The following ADSS1 variants were observed in gnomAD, a reference collection of about 807,000 sequenced individuals.
The protein encoded by ADSS1 is adenylosuccinate synthase 1.
ADSS1 carries 57 observed loss-of-function variants against 59.1 expected under a neutral mutation model. The ratio of observed to expected loss-of-function variants is 0.97; its 90% CI spans 0.78 to 1.20. The LOEUF is 1.20. ADSS1 is among the 50% of genes most tolerant of loss of function. The pLI is 0.00. For missense variants in ADSS1, 603 were observed against 610.3 expected, an observed-to-expected ratio of 0.99 and a Z score of 0.13; for synonymous variants, 247 against 249.4, an observed-to-expected ratio of 0.99 and a Z score of 0.09.
intron 11 of ADSS1, chr14:104,745,925 A>C: frequency 1.0e-5 from 1 of 96,326 alleles, no homozygotes; most frequent in Non-Finnish European, 1.6e-5. Context: ...CTAGAGTCTC[A>C]GAATTTCCAA....
intron 1 of ADSS1, 66 bp from the exon 2 acceptor site, chr14:104,734,954 G>A: frequency 7.1e-7 from 1 of 1,416,048 alleles, no homozygotes; most frequent in African/African-American, 1.4e-5. Context: ...CCCCATGTGG[G>A]TCAGTCCATG....
intron 1 of ADSS1, among the ~76,000 whole-genome samples, chr14:104,726,583 C>CA (rs1201044622): frequency 6.6e-6 from 1 of 152,220 alleles, no homozygotes; most frequent in Admixed American, 6.5e-5. Context: ...CCCATGTCGT[C>CA]AGAGGCTGGC....
chr14:104,745,018 CAG>C (rs1401542297), intron 11 of ADSS1, 109 bp downstream of exon 11: 14 of 912,716 alleles, frequency 1.5e-5, no homozygotes, highest in Non-Finnish European at 2.4e-5. Context: ...TCACAGGACA[CAG>C]GGCAAGCAGC....
chr14:104,740,940 GTGGGGGC>G lies in ADSS1; in HGVS notation c.666+23_666+29del. 1 of 1,613,806 alleles carries G rather than the reference GTGGGGGC, an allele frequency of 6.2e-7. No individual in the cohort carries two copies. The highest frequency in any genetic ancestry group is 8.5e-7 in the Non-Finnish European group (1 of 1,179,914). The stretch of plus-strand genomic sequence containing the variant: ...CTCAAGGTGAAGTCGGGGCCGCAGT[GTGGGGGC>G]TGCGGAAGTGCTCCTCCAGGGAGGC... On this transcript the variant is annotated intron_variant, in intron 7 of 12. Transcript: ENST00000330877. The surrounding 1 kb of genome is among the most constrained non-coding windows in gnomAD (Gnocchi z 4.8).
In ADSS1 at chr14:104,735,541, CTG is replaced by C. The variant is rs148471334; in HGVS notation, c.295+424_295+425del. Among the ~76,000 whole-genome samples the C allele has an allele frequency of 2.2e-3, 335 of 152,324 alleles. 4 individuals carry two copies. In the South Asian group the frequency reaches 0.028, roughly 13 times the overall value. ...GGCTTCTCGCTGCGTGGCGACCAGG[CTG>C]TGTGGACAAGGCCGTGCCCTCCCCG... On this transcript the variant is annotated intron_variant, in intron 2 of 12. Coordinates refer to ENST00000330877, the MANE Select transcript of ADSS1 (RefSeq NM_152328.5).
chr14:104,732,991 C>T (rs148249940), intron 1 of ADSS1, among the ~76,000 whole-genome samples: 3,296 of 152,302 alleles, frequency 0.022, 58 homozygotes, highest in Non-Finnish European at 0.034. Context: ...TGGACTGAAC[C>T]TGTGCGCCCA....
chr14:104,744,975 T>C (rs1292026452), intron 11 of ADSS1, 66 bp downstream of exon 11: 6 of 1,442,254 alleles, frequency 4.2e-6, no homozygotes, highest in South Asian at 1.2e-5. Flanking sequence ...AGATAGGACC[T>C]GTGACTTCTC....
chr14:104,739,801 C>T lies in ADSS1; in HGVS notation c.461C>T (p.Ala154Val). The change falls in exon 5 of 13, where the codon GCA becomes GTA. Residue 154 changes from alanine (A) to valine (V), a missense_variant. Transcript: ENST00000330877. ...VDGLQEVQRQ[A>V]QEGKNIGTTK... is the part of the protein sequence containing the mutation. ...GGACTTCAGGAAGTGCAGCGCCAGG[C>T]ACAAGAGGGGAAGAAGTAAGTCTGC... 2 of 1,613,888 alleles carry T rather than the reference C, an allele frequency of 1.2e-6. No individual in the cohort carries two copies. The highest frequency in any genetic ancestry group is 1.7e-6 in the Non-Finnish European group (2 of 1,180,002).
Position 104,733,626 on chromosome 14 carries a change from C to T in ADSS1, c.193-1394C>T, listed in dbSNP as rs139424983. Among the ~76,000 whole-genome samples, 589 of 152,258 alleles carry T rather than the reference C, an allele frequency of 3.9e-3. 7 individuals are homozygous for T. The highest frequency in any genetic ancestry group is 0.013 in the African/African-American group (531 of 41,556). ...GGGAGGGGAGCTGAGACCCCTCTGC[C>T]GGGCAGAGAGCAGTGGGGTGTGGCT... is the stretch of plus-strand genomic sequence containing the variant. On this transcript the variant is annotated intron_variant, in intron 1 of 12. Coordinates refer to ENST00000330877, the MANE Select transcript of ADSS1 (RefSeq NM_152328.5).
intron 1 of ADSS1, chr14:104,730,114 GGA>G: frequency 6.5e-7 from 1 of 1,549,384 alleles, no homozygotes; most frequent in Non-Finnish European, 8.7e-7. Context: ...CGCTGGGAGA[GGA>G]GAGGGCTTGG....
At chr14:104,733,876 G>A (rs532908080) in intron 1 of ADSS1, among the ~76,000 whole-genome samples, 2 of 152,282 alleles carry the variant, frequency 1.3e-5, no homozygotes, top group Admixed American at 6.5e-5. Flanking sequence ...CAAGGAGAGA[G>A]GGCAACAGGA....
intron 8 of ADSS1, 40 bp downstream of exon 8, chr14:104,741,283 C>A: frequency 9.9e-6 from 15 of 1,520,864 alleles, no homozygotes; most frequent in Non-Finnish European, 1.3e-5. Flanking sequence ...ACCTTTCGTG[C>A]CTGCCAGGGA....
At chr14:104,741,737 C>G in intron 8 of ADSS1, 111 bp from the exon 9 acceptor site, 1 of 1,419,466 alleles carries the variant, frequency 7.0e-7, no homozygotes, top group Non-Finnish European at 9.6e-7. Flanking sequence ...ACGGAGGGGG[C>G]CCCCCACGGT....
chr14:104,736,881 G>GATTATATATATATAT lies in ADSS1; in HGVS notation c.296-1493_296-1492insTATATATATATATAT, dbSNP rs1254196679. Among the ~76,000 whole-genome samples, 633 of 106,538 alleles carry GATTATATATATATAT rather than the reference G, an allele frequency of 5.9e-3. 26 individuals carry two copies. The highest frequency in any genetic ancestry group is 0.021 in the African/African-American group (601 of 28,092). The allele number at this position is 106,538 out of a possible 152,430, so 69.9% of individuals were successfully genotyped here. The stretch of plus-strand genomic sequence containing the variant: ...CAGGCTTATGCCACCGCACCTAGCT[G>GATTATATATATATAT]ATATATATATATATATATATATATA... On this transcript the variant is annotated intron_variant, in intron 2 of 12. Coordinates refer to ENST00000330877, the MANE Select transcript of ADSS1 (RefSeq NM_152328.5).
At chr14:104,727,258 C>T (rs1002413406) in intron 1 of ADSS1, among the ~76,000 whole-genome samples, 14 of 152,290 alleles carry the variant, frequency 9.2e-5, no homozygotes, top group Admixed American at 2.0e-4. Flanking sequence ...CCTTTAGGAC[C>T]TGTTTCCTGG....
At chr14:104,746,000 T>C (rs1190797607) in intron 11 of ADSS1, 16 of 446,624 alleles carry the variant, frequency 3.6e-5, no homozygotes, top group Non-Finnish European at 5.2e-5. Flanking sequence ...GTAGCACATA[T>C]GTGTCATGTC....
chr14:104,730,360 G>C, intron 1 of ADSS1: 1 of 900,732 alleles, frequency 1.1e-6, no homozygotes, highest in Non-Finnish European at 1.6e-6. Flanking sequence ...CATGCTGGTG[G>C]GCGCCTGTAG....
At chr14:104,746,815 T>G (rs1595217244) in intron 12 of ADSS1, 136 bp from the exon 13 acceptor site, 1 of 889,002 alleles carries the variant, frequency 1.1e-6, no homozygotes, top group Non-Finnish European at 1.8e-6. Flanking sequence ...ACTTAAAAAT[T>G]AGAACTGCCT....
intron 10 of ADSS1, chr14:104,743,502 G>A (rs948192176): frequency 3.2e-6 from 1 of 308,942 alleles, no homozygotes; most frequent in Non-Finnish European, 6.4e-6. Flanking sequence ...AGGACGAAAG[G>A]ATGCACTGTC....
Sources: gnomAD v4.1 joint callset for allele counts (sites outside exome capture counted in the v4.1 genomes callset) on GRCh38, gnomAD v4.1.1 for gene constraint, Gnocchi (gnomAD v3.1) non-coding constraint, MANE v1.5 for transcripts, NCBI Gene and HGNC (gene_info 2026-07-23, HGNC 2026-07-21) for gene names.